CNTNAP5: variants seen among roughly 807,000 people sequenced by gnomAD.
The protein encoded by CNTNAP5 is contactin-associated protein-like 5.
A neutral mutation model predicts 150.2 loss-of-function variants in CNTNAP5; 72 were observed. The observed-to-expected ratio is 0.48, with a 90% CI of 0.40 to 0.58. CNTNAP5 has a LOEUF of 0.58. CNTNAP5 is among the 20% of genes least tolerant of loss of function. The probability of loss-of-function intolerance (pLI) is 0.00; values close to 1 mark genes in which losing one functional copy is unlikely to be tolerated. For synonymous variants in CNTNAP5, 672 were observed against 619.8 expected, an observed-to-expected ratio of 1.08 and a Z score of -1.25; for missense variants, 1,636 against 1,626.2, an observed-to-expected ratio of 1.01 and a Z score of -0.10.
Position 124,288,369 on chromosome 2 carries a change from A to C in CNTNAP5, c.381+45976A>C, listed in dbSNP as rs116359263. ...TCACTGTAAATCAAGTCAATCAATT[A>C]GTCAACAGATTTTTATTGAAAACTC... On this transcript the variant is annotated intron_variant, in intron 3 of 23. Transcript: ENST00000682447. 2.2e-3 allele frequency among the ~76,000 whole-genome samples: 339 copies of C among 152,332 alleles called. 1 individual carries two copies. Among genetic ancestry groups the C allele is most frequent in the African/African-American group, 7.9e-3 (328 of 41,580 alleles).
chr2:124,446,621 G>T (rs924945633), intron 5 of CNTNAP5, 132 bp from the exon 6 acceptor site: 7 of 851,966 alleles, frequency 8.2e-6, no homozygotes, highest in African/African-American at 6.9e-5. Context: ...GTCCAGCACA[G>T]TTCCAGGCCT....
chr2:124,671,939 C>A (rs1406178213), intron 13 of CNTNAP5, among the ~76,000 whole-genome samples: 1 of 152,184 alleles, frequency 6.6e-6, no homozygotes. Context: ...CATACCTCGC[C>A]AAGACTCTTT....
intron 1 of CNTNAP5, among the ~76,000 whole-genome samples, chr2:124,091,501 A>T (rs1229147965): frequency 1.3e-5 from 2 of 152,120 alleles, no homozygotes; most frequent in Non-Finnish European, 2.9e-5. Flanking sequence ...ATCACTTTGA[A>T]CCTCAGTTTT....
intron 1 of CNTNAP5, among the ~76,000 whole-genome samples, chr2:124,036,187 G>T (rs1681214303): frequency 6.6e-6 from 1 of 151,240 alleles, no homozygotes; most frequent in African/African-American, 2.4e-5. Context: ...GCCTCCCAAA[G>T]TGCTGGGATT....
rs1412806242 is a variant in CNTNAP5, at chr2:124,901,401, AAAG to A, written c.3437-1477_3437-1475del. On this transcript the variant is annotated intron_variant, in intron 21 of 23. Coordinates refer to ENST00000682447, the MANE Select transcript of CNTNAP5 (RefSeq NM_001367498.1). Reference sequence around the variant, plus strand: ...GTAATCAAAAAGGTCCTCAAAAGTGAAAGAAGGAGATAGAAGAGAATTATAGGT... The same window carrying A: ...GTAATCAAAAAGGTCCTCAAAAGTGAAAGGAGATAGAAGAGAATTATAGGT... 4.5e-4 allele frequency among the ~76,000 whole-genome samples: 66 copies of A among 147,766 alleles called. 3 individuals carry two copies. The highest frequency in any genetic ancestry group is 1.6e-3 in the African/African-American group (58 of 37,292).
At chr2:124,560,346 T>G (rs770041706) in intron 10 of CNTNAP5, among the ~76,000 whole-genome samples, 1 of 151,758 alleles carries the variant, frequency 6.6e-6, no homozygotes, top group South Asian at 2.1e-4. Context: ...TGGATAAACC[T>G]CATCTCTACT....
At chr2:124,521,525 C>T (rs1434363539) in intron 8 of CNTNAP5, among the ~76,000 whole-genome samples, 2 of 152,146 alleles carry the variant, frequency 1.3e-5, no homozygotes, top group Non-Finnish European at 2.9e-5. Context: ...TTGAGCAGAC[C>T]TCTCCCCTCA....
chr2:124,614,720 G>C (rs1476331572), intron 12 of CNTNAP5, among the ~76,000 whole-genome samples: 1 of 152,228 alleles, frequency 6.6e-6, no homozygotes, highest in Non-Finnish European at 1.5e-5. Flanking sequence ...CTCGGTTTTG[G>C]TGGTATTTGG....
chr2:124,233,226 G>A (rs977354368), intron 2 of CNTNAP5, among the ~76,000 whole-genome samples: 3 of 151,980 alleles, frequency 2.0e-5, no homozygotes, highest in East Asian at 3.9e-4. Flanking sequence ...CAACATTCTG[G>A]GAATCAATGA....
chr2:124,825,624 C>T (rs1048421871), intron 19 of CNTNAP5, among the ~76,000 whole-genome samples: 5 of 152,066 alleles, frequency 3.3e-5, no homozygotes, highest in Admixed American at 3.3e-4. Flanking sequence ...ATCAGAACAG[C>T]TTTTGAAATG....
intron 1 of CNTNAP5, among the ~76,000 whole-genome samples, chr2:124,161,540 G>T (rs1290916083): frequency 6.6e-6 from 1 of 152,114 alleles, no homozygotes; most frequent in Non-Finnish European, 1.5e-5. Context: ...ATGATTTATT[G>T]ATAGGAGGAG....
intron 12 of CNTNAP5, among the ~76,000 whole-genome samples, chr2:124,630,714 G>C (rs1268556488): frequency 6.6e-6 from 1 of 151,766 alleles, no homozygotes; most frequent in Non-Finnish European, 1.5e-5. Context: ...GTAGTGTTGG[G>C]AGTTCTGGCC....
intron 1 of CNTNAP5, among the ~76,000 whole-genome samples, chr2:124,064,487 C>A (rs1215953013): frequency 6.6e-6 from 1 of 152,120 alleles, no homozygotes; most frequent in Non-Finnish European, 1.5e-5. Flanking sequence ...ACAGTCCAAA[C>A]CAGGGTCTTT....
Position 124,327,015 on chromosome 2 carries a change from C to G in CNTNAP5, c.381+84622C>G, listed in dbSNP as rs1396890199. On this transcript the variant is annotated intron_variant, in intron 3 of 23. Transcript: ENST00000682447. ...TTTTTTTTTGAGATAGAGTCTCACTCTGTCGCCCAGGCTGCAGTGCAGTGG... is the reference window on the plus strand; with the variant it reads ...TTTTTTTTTGAGATAGAGTCTCACTGTGTCGCCCAGGCTGCAGTGCAGTGG... Among the ~76,000 whole-genome samples the G allele has an allele frequency of 7.1e-5, 9 of 126,974 alleles. No individual in the cohort carries two copies. In the Admixed American group the frequency reaches 8.2e-4, roughly 12 times the overall value. The allele number at this position is 126,974 out of a possible 152,430, so 83.3% of individuals were successfully genotyped here. A position where few individuals can be genotyped will look rare whatever the true frequency, so the allele number is the denominator to read the frequency against.
chr2:124,446,358 C>A (rs953737767), intron 5 of CNTNAP5, among the ~76,000 whole-genome samples: 1 of 152,158 alleles, frequency 6.6e-6, no homozygotes, highest in African/African-American at 2.4e-5. Flanking sequence ...CGTATCCCAG[C>A]TTTACTCCTC....
At chr2:124,193,952 G>A (rs1685515924) in intron 1 of CNTNAP5, among the ~76,000 whole-genome samples, 1 of 152,094 alleles carries the variant, frequency 6.6e-6, no homozygotes, top group African/African-American at 2.4e-5. Flanking sequence ...GCAGGACCGG[G>A]TGTGAGCTGG....
intron 17 of CNTNAP5, 94 bp downstream of exon 17, chr2:124,773,111 G>A (rs995742231): frequency 1.1e-5 from 10 of 895,562 alleles, no homozygotes; most frequent in Non-Finnish European, 7.3e-6. Flanking sequence ...CTGAGATCTG[G>A]GATATGATCA....
At chr2:124,598,750 C>T (rs1361221727) in intron 11 of CNTNAP5, among the ~76,000 whole-genome samples, 1 of 152,188 alleles carries the variant, frequency 6.6e-6, no homozygotes, top group East Asian at 1.9e-4. Flanking sequence ...AGCCTCGCTG[C>T]CGCCTTGCAG....
intron 3 of CNTNAP5, among the ~76,000 whole-genome samples, chr2:124,335,395 G>T (rs1689446504): frequency 6.6e-6 from 1 of 151,720 alleles, no homozygotes; most frequent in South Asian, 2.1e-4. Context: ...CAAAAATTGG[G>T]CTCCCAGCTA....
Sources: allele counts gnomAD v4.1 joint callset (sites outside exome capture counted in the v4.1 genomes callset), GRCh38; gene constraint gnomAD v4.1.1; transcripts MANE v1.5; gene names NCBI Gene and HGNC (gene_info 2026-07-23, HGNC 2026-07-21).